Variants in USP19 observed in about 807,000 individuals in gnomAD.
The protein encoded by USP19 is ubiquitin carboxyl-terminal hydrolase 19.
USP19 carries 40 observed loss-of-function variants against 144.8 expected under a neutral mutation model. The observed-to-expected ratio is 0.28, with a 90% CI of 0.21 to 0.36. The LOEUF (loss-of-function observed/expected upper bound fraction) is 0.36. USP19 is among the 10% of genes least tolerant of loss of function. The pLI is 1.00. For missense variants in USP19, 1,518 were observed against 1,822.5 expected (o/e 0.83, Z 3.04); for synonymous variants, 701 against 709.3 (o/e 0.99, Z 0.19).
chr3:49,111,227 C>A lies in USP19; in HGVS notation c.3328+28G>T. ...GGAGAACAGCCAGCTCAACCCACCC[C>A]ATGGCTCCCACCCACAGCCTCAGAC... is the stretch of plus-strand genomic sequence containing the variant. On this transcript the variant is annotated intron_variant, in intron 22 of 26. Transcript: ENST00000417901. The surrounding 1 kb of genome is among the most constrained non-coding windows in gnomAD (Gnocchi z 5.9). The A allele has an allele frequency of 6.2e-7, 1 of 1,614,114 alleles. No homozygotes were observed. Among genetic ancestry groups the A allele is most frequent in the Non-Finnish European group, 8.5e-7 (1 of 1,180,004 alleles).
chr3:49,115,619 C>T lies in USP19; in HGVS notation c.1713G>A (p.Val571=). Residue 571 remains valine, a synonymous_variant, in exon 12 of 27, where the codon GTG becomes GTA. Coordinates refer to ENST00000417901, the MANE Select transcript of USP19 (RefSeq NM_001199161.2). The surrounding 1 kb of genome is among the most constrained non-coding windows in gnomAD (Gnocchi z 6.6). ...TAACTGGGCTGTGGGGCATGGGAGG[C>T]ACCATGCATGTAGGCTTGGGCTGCA... ...HLASPKPTCM[V]PPMPHSPVSG... The T allele has an allele frequency of 1.2e-6, 2 of 1,609,264 alleles. No homozygotes were observed. The highest frequency in any genetic ancestry group is 1.1e-5 in the South Asian group (1 of 90,540).
chr3:49,120,330 T>G (rs769555426), intron 1 of USP19: 1 of 152,290 alleles, frequency 6.6e-6, no homozygotes, highest in Non-Finnish European at 1.5e-5. Flanking sequence ...TAATGACACC[T>G]GCCACCGGCG....
chr3:49,111,526 G>C lies in USP19; in HGVS notation c.3191C>G (p.Ala1064Gly). The C allele has an allele frequency of 2.5e-6, 4 of 1,611,936 alleles. No homozygotes were observed. Among genetic ancestry groups the C allele is most frequent in the Non-Finnish European group, 3.4e-6 (4 of 1,179,986 alleles). The change falls in exon 21 of 27, where the codon GCT becomes GGT. Residue 1064 changes from alanine (A) to glycine (G), a missense_variant. Ala to Gly is a moderately conservative substitution (Grantham distance 60). Around this residue, in one of 5 missense-constraint regions of USP19, gnomAD observed 413 missense variants for 515.8 expected, o/e 0.80. Transcript: ENST00000417901. This position sits in a 1 kb window ranked among gnomAD's most constrained non-coding sequence, Gnocchi z 5.9. ...TTCGGGTCGGGACACCCTCTCGCCA[G>C]CTGGCAAGGAGCCAACCTCAATGGG... ...SGPIEVGSLP[A>G]GERVSRPEAA...
At position 49,114,708 on chromosome 3, in the gene USP19, G is replaced by A; in HGVS notation, c.2292+55C>T. ...ATGCACATGCCTCTGAACCTAATGT[G>A]ACCAGAATAGCTGAGCTGAACTAGG... On this transcript the variant is annotated intron_variant, in intron 15 of 26. Coordinates refer to ENST00000417901, the MANE Select transcript of USP19 (RefSeq NM_001199161.2). The surrounding 1 kb of genome is among the most constrained non-coding windows in gnomAD (Gnocchi z 4.5). 6.3e-7 allele frequency: 1 copy of A among 1,584,188 alleles called. No individual in the cohort carries two copies. The highest frequency in any genetic ancestry group is 2.2e-5 in the East Asian group (1 of 44,708).
chr3:49,116,011 G>A lies in USP19; in HGVS notation c.1471+36C>T, dbSNP rs374967064. On this transcript the variant is annotated intron_variant, in intron 10 of 26. Coordinates refer to ENST00000417901, the MANE Select transcript of USP19 (RefSeq NM_001199161.2). The surrounding 1 kb of genome is among the most constrained non-coding windows in gnomAD (Gnocchi z 5.0). ...TGACAGGGGTTTGGGTCCTGGTCAC[G>A]TGGAACTGGGCAATGAAGGGAGCTC... 836 of 1,576,704 alleles carry A rather than the reference G, an allele frequency of 5.3e-4. No individual in the cohort carries two copies. Among genetic ancestry groups the A allele is most frequent in the Middle Eastern group, 2.2e-3 (13 of 5,892 alleles).
chr3:49,119,039 T>A lies in USP19; in HGVS notation c.107A>T (p.Asp36Val). The change falls in exon 2 of 27, where the codon GAT becomes GTT. Residue 36 changes from aspartate (D) to valine (V), a missense_variant. Around this residue, in one of 5 missense-constraint regions of USP19, gnomAD observed 707 missense variants for 728.9 expected, o/e 0.97. Coordinates refer to ENST00000417901, the MANE Select transcript of USP19 (RefSeq NM_001199161.2). ...QKDRANQESK[D>V]GDPRKETGSR... ...ACTCCCACCTTTCCTAGGATCTCCA[T>A]CCTTGCTCTCCTGGTTTGCTCGATC... 1 of 1,614,184 alleles carries A rather than the reference T, an allele frequency of 6.2e-7. No homozygotes were observed. Among genetic ancestry groups the A allele is most frequent in the South Asian group, 1.1e-5 (1 of 91,082 alleles).
Position 49,111,548 on chromosome 3 carries a change from TG to T in USP19, c.3168del (p.Ile1057LeufsTer29). On this transcript the variant is annotated frameshift_variant, in exon 21 of 27. Coordinates refer to ENST00000417901, the MANE Select transcript of USP19 (RefSeq NM_001199161.2). LOFTEE classifies it high-confidence loss of function. The surrounding 1 kb of genome is among the most constrained non-coding windows in gnomAD (Gnocchi z 5.9). ...GISSEMLASG[P>X]IEVGSLPAGE... ...CCAGCTGGCAAGGAGCCAACCTCAA[TG>T]GGCCCACTGGCCAGCATCTCAGAAG... 6.2e-7 allele frequency: 1 copy of T among 1,612,650 alleles called. No homozygotes were observed. The highest frequency in any genetic ancestry group is 8.5e-7 in the Non-Finnish European group (1 of 1,180,028).
At position 49,115,881 on chromosome 3, in the gene USP19, G is replaced by A. The variant is rs745405475; in HGVS notation, c.1535C>T (p.Pro512Leu). The A allele has an allele frequency of 6.9e-6, 11 of 1,595,334 alleles. No individual in the cohort carries two copies. The highest frequency in any genetic ancestry group is 1.1e-5 in the South Asian group (1 of 88,486). Residue 512 changes from proline to leucine, a missense_variant, in exon 11 of 27, where the codon CCA becomes CTA. Transcript: ENST00000417901. This position sits in a 1 kb window ranked among gnomAD's most constrained non-coding sequence, Gnocchi z 6.6. ...TGPTPLDSTP[P>L]GGAPHPLTGQ... is the part of the protein sequence containing the mutation. ...TGTCAGGGGGTGGGGAGCACCTCCTGGTGGGGTTGAATCCAGAGGGGTTGG... is the reference window on the plus strand; with the variant it reads ...TGTCAGGGGGTGGGGAGCACCTCCTAGTGGGGTTGAATCCAGAGGGGTTGG...
chr3:49,117,704 TCCTCCAGCTGCAGGGGA>T lies in USP19; in HGVS notation c.408_424del (p.Pro137CysfsTer27), dbSNP rs1305094321. 6.2e-7 allele frequency: 1 copy of T among 1,614,140 alleles called. No homozygotes were observed. The highest frequency in any genetic ancestry group is 1.1e-5 in the South Asian group (1 of 91,080). ...TGTATCTGTGAAAGCAGCATCTACA[TCCTCCAGCTGCAGGGGA>T]CCTACTCCCACACGAAGCTTGACAA... On this transcript the variant is annotated frameshift_variant, in exon 4 of 27. Coordinates refer to ENST00000417901, the MANE Select transcript of USP19 (RefSeq NM_001199161.2). LOFTEE classifies it high-confidence loss of function. The surrounding 1 kb of genome is among the most constrained non-coding windows in gnomAD (Gnocchi z 4.4).
intron 26 of USP19, among the ~76,000 whole-genome samples, chr3:49,109,768 A>G (rs2042861595): frequency 6.6e-6 from 1 of 152,244 alleles, no homozygotes; most frequent in Admixed American, 6.5e-5. Flanking sequence ...ACCAGAGGCC[A>G]TGGCCAGCCC....
Position 49,118,007 on chromosome 3 carries a change from G to A in USP19, c.238C>T (p.Leu80=). Residue 80 remains leucine, a synonymous_variant, in exon 3 of 27, where the codon CTG becomes TTG. Coordinates refer to ENST00000417901, the MANE Select transcript of USP19 (RefSeq NM_001199161.2). ...GITGSRHRTR[L]FFPSSSGSAS... ...GACCCTGACGATGAAGGAAAGAACA[G>A]CCGGGTACGGTGGCGTGAGCCTGTG... The A allele has an allele frequency of 1.2e-6, 2 of 1,606,776 alleles. No individual in the cohort carries two copies. Among genetic ancestry groups the A allele is most frequent in the Non-Finnish European group, 1.7e-6 (2 of 1,178,274 alleles).
Position 49,117,226 on chromosome 3 carries a change from C to G in USP19, c.742G>C (p.Ala248Pro). The stretch of plus-strand genomic sequence containing the variant: ...GCGCCTACCTCACCACGGCCCTGGG[C>G]CCGCTTCTGGTTCCGGGCCTCCTGC... ...AKQEARNQKR[A>P]QGRGEVGAGA... Residue 248 changes from alanine (A) to proline (P), a missense_variant, in exon 6 of 27, where the codon GCC (alanine) becomes CCC (proline). Physicochemically the swap from Ala to Pro is conservative, Grantham distance 27. This residue lies in a region of USP19 where 707 missense variants were observed against 728.9 expected (regional missense o/e 0.97). Transcript: ENST00000417901. The surrounding 1 kb of genome is among the most constrained non-coding windows in gnomAD (Gnocchi z 4.4). 1 of 1,549,850 alleles carries G rather than the reference C, an allele frequency of 6.5e-7. No homozygotes were observed.
At position 49,119,185 on chromosome 3, in the gene USP19, G is replaced by A. The variant is rs374677738; in HGVS notation, c.-40C>T. ...TCGACAGCCAGAGTGCCCCGGGGTCGGCAACAGCGTCTGGGTCAGGGCTGC... is the reference window on the plus strand; with the variant it reads ...TCGACAGCCAGAGTGCCCCGGGGTCAGCAACAGCGTCTGGGTCAGGGCTGC... On this transcript the variant is annotated 5_prime_UTR_variant, in exon 2 of 27. Coordinates refer to ENST00000417901, the MANE Select transcript of USP19 (RefSeq NM_001199161.2). 22 of 1,596,640 alleles carry A rather than the reference G, an allele frequency of 1.4e-5. No individual in the cohort carries two copies. The highest frequency in any genetic ancestry group is 6.7e-5 in the African/African-American group (5 of 74,510).
Position 49,112,803 on chromosome 3 carries a change from G to C in USP19, c.2506-174C>G, listed in dbSNP as rs1337571647. Among the ~76,000 whole-genome samples the C allele has an allele frequency of 6.6e-6, 1 of 152,170 alleles. No individual in the cohort carries two copies. Among genetic ancestry groups the C allele is most frequent in the Non-Finnish European group, 1.5e-5 (1 of 68,028 alleles). ...CCTGTCTCAGTGCCCAATGCCATAAGGAGCCTGGTGCATCAGAGGGCCTGA... is the reference window on the plus strand; with the variant it reads ...CCTGTCTCAGTGCCCAATGCCATAACGAGCCTGGTGCATCAGAGGGCCTGA... On this transcript the variant is annotated intron_variant, in intron 17 of 26. Coordinates refer to ENST00000417901, the MANE Select transcript of USP19 (RefSeq NM_001199161.2). This position sits in a 1 kb window ranked among gnomAD's most constrained non-coding sequence, Gnocchi z 4.9.
In USP19 at chr3:49,115,214, T is replaced by C. The variant is rs375808416; in HGVS notation, c.2022+14A>G. ...CGCCCCCTCCAGCCAAGGGTGACAGTGGTCACAGATCACCTTCAACTTGGA... is the reference window on the plus strand; with the variant it reads ...CGCCCCCTCCAGCCAAGGGTGACAGCGGTCACAGATCACCTTCAACTTGGA... On this transcript the variant is annotated intron_variant, in intron 13 of 26. Coordinates refer to ENST00000417901, the MANE Select transcript of USP19 (RefSeq NM_001199161.2). The surrounding 1 kb of genome is among the most constrained non-coding windows in gnomAD (Gnocchi z 6.6). 1.2e-6 allele frequency: 2 copies of C among 1,613,610 alleles called. No individual in the cohort carries two copies. Among genetic ancestry groups the C allele is most frequent in the African/African-American group, 1.3e-5 (1 of 74,918 alleles).
chr3:49,119,958 C>T (rs1178748454), intron 1 of USP19, among the ~76,000 whole-genome samples: 1 of 152,218 alleles, frequency 6.6e-6, no homozygotes, highest in African/African-American at 2.4e-5. Context: ...TCAGCAGCAA[C>T]CCTGCTCCAG....
Position 49,116,209 on chromosome 3 carries a change from G to C in USP19, c.1356-47C>G. ...AGGGACTTAGGAGGAATGAGCATCAGGATAGATGAGCCAGGGAGATGGAGC... is the reference window on the plus strand; with the variant it reads ...AGGGACTTAGGAGGAATGAGCATCACGATAGATGAGCCAGGGAGATGGAGC... On this transcript the variant is annotated intron_variant, in intron 9 of 26. Coordinates refer to ENST00000417901, the MANE Select transcript of USP19 (RefSeq NM_001199161.2). This position sits in a 1 kb window ranked among gnomAD's most constrained non-coding sequence, Gnocchi z 5.0. The C allele has an allele frequency of 6.2e-7, 1 of 1,613,790 alleles. No individual in the cohort carries two copies. The highest frequency in any genetic ancestry group is 2.2e-5 in the East Asian group (1 of 44,868).
Position 49,116,144 on chromosome 3 carries a change from C to T in USP19, c.1374G>A (p.Glu458=). ...QVKLRNLIEP[E]QCTFCFTASR... ...AAGCCGTGAAACAGAAGGTGCACTGCTCTGGCTCAATCAGATTCCTGTGGG... is the reference window on the plus strand; with the variant it reads ...AAGCCGTGAAACAGAAGGTGCACTGTTCTGGCTCAATCAGATTCCTGTGGG... The change falls in exon 10 of 27, where the codon GAG becomes GAA. Residue 458 remains glutamate, a synonymous_variant. Transcript: ENST00000417901. This position sits in a 1 kb window ranked among gnomAD's most constrained non-coding sequence, Gnocchi z 5.0. 1 of 1,614,050 alleles carries T rather than the reference C, an allele frequency of 6.2e-7. No individual in the cohort carries two copies. The highest frequency in any genetic ancestry group is 8.5e-7 in the Non-Finnish European group (1 of 1,179,978).
rs757415407 is a variant in USP19, at chr3:49,118,122, T to TA, written c.125-3dup. On this transcript the variant is annotated splice_polypyrimidine_tract_variant and splice_region_variant and intron_variant, in intron 2 of 26. Transcript: ENST00000417901. ...GGGCAACATATCGAGACCCTGTCTC[T>TA]AAAAAAAAAATAAGAAAAATTAGTC... 0.023 allele frequency: 21,208 copies of TA among 919,352 alleles called. No individual in the cohort carries two copies. The highest frequency in any genetic ancestry group is 0.025 in the Non-Finnish European group (16,534 of 665,654). 56.9% of individuals were successfully genotyped at this position (919,352 alleles called of 1,614,324 possible).
Sources: allele counts gnomAD v4.1 joint callset (sites outside exome capture counted in the v4.1 genomes callset), GRCh38; gene constraint gnomAD v4.1.1; regional missense constraint gnomAD v4.1.1; non-coding constraint Gnocchi (gnomAD v3.1); transcripts MANE v1.5; gene names NCBI Gene and HGNC (gene_info 2026-07-23, HGNC 2026-07-21).